Variants in USP4 observed in about 807,000 individuals in gnomAD.
USP4 encodes the protein ubiquitin carboxyl-terminal hydrolase 4.
Under a neutral mutation model 118.2 loss-of-function variants are expected in USP4, and 72 were observed. The ratio of observed to expected loss-of-function variants is 0.61; its 90% CI spans 0.50 to 0.74. The LOEUF is 0.74. Ranked by LOEUF, USP4 falls within the 30% of genes least tolerant of loss-of-function variation. USP4 has a pLI of 0.00. For missense variants in USP4, 1,037 were observed against 1,185.7 expected, an observed-to-expected ratio of 0.87 and a Z score of 1.84; for synonymous variants, 415 against 440.4, an observed-to-expected ratio of 0.94 and a Z score of 0.72.
intron 6 of USP4, chr3:49,316,771 GGGACCTCCATGGTGCTCAGACTACAACCA>G: frequency 2.3e-6 from 1 of 428,274 alleles, no homozygotes; most frequent in African/African-American, 2.0e-5. Context: ...GCTGGCTGAG[GGGACCTCCATGGTGCTCAGACTACAACCA>G]GGACCTCCCT....
At chr3:49,297,760 T>G in intron 13 of USP4, 110 bp downstream of exon 13, 1 of 888,320 alleles carries the variant, frequency 1.1e-6, no homozygotes, top group Non-Finnish European at 1.8e-6. Flanking sequence ...TCAGGGCCAA[T>G]CCACATGAGC....
intron 14 of USP4, 89 bp from the exon 15 acceptor site, chr3:49,292,687 T>C (rs1244646011): frequency 1.2e-5 from 10 of 850,174 alleles, no homozygotes; most frequent in African/African-American, 8.6e-5. Context: ...AAGTAGTTCA[T>C]AATTTATATG....
intron 14 of USP4, chr3:49,293,644 C>T (rs1346472946): frequency 6.6e-6 from 1 of 151,640 alleles, no homozygotes; most frequent in Non-Finnish European, 1.5e-5. Context: ...GCATTCCAGC[C>T]TGGGCGAGAG....
chr3:49,277,277 G>A lies in USP4; in HGVS notation c.*1016C>T, dbSNP rs2046973316. The A allele has an allele frequency of 7.1e-6, 9 of 1,274,278 alleles. No individual in the cohort carries two copies. The highest frequency in any genetic ancestry group is 8.2e-6 in the Non-Finnish European group (8 of 976,234). 78.9% of individuals were successfully genotyped at this position (1,274,278 alleles called of 1,614,324 possible). A position where few individuals can be genotyped will look rare whatever the true frequency, so the allele number is the denominator to read the frequency against. On this transcript the variant is annotated 3_prime_UTR_variant, in exon 22 of 22. Coordinates refer to ENST00000265560, the MANE Select transcript of USP4 (RefSeq NM_003363.4). ...CCCCCACGGATTAGGTTGAAGGTCAGACAAAAAATCCCGGACCCATACGTC... is the reference window on the plus strand; with the variant it reads ...CCCCCACGGATTAGGTTGAAGGTCAAACAAAAAATCCCGGACCCATACGTC...
In USP4 at chr3:49,296,574, G is replaced by A. The variant is rs372401438; in HGVS notation, c.1691+1296C>T. 2.5e-4 allele frequency among the ~76,000 whole-genome samples: 38 copies of A among 152,238 alleles called. No individual in the cohort carries two copies. The East Asian group carries it at 4.8e-3, about 19-fold the overall frequency. On this transcript the variant is annotated intron_variant, in intron 13 of 21. Transcript: ENST00000265560. ...TGAGGCAGAAAAATGGCATGAACCC[G>A]GGAGGCAGAGCTTGCAGTGAGCCGA...
In USP4 at chr3:49,278,910, G is replaced by A; in HGVS notation, c.2645-8C>T. 1 of 1,597,500 alleles carries A rather than the reference G, an allele frequency of 6.3e-7. No homozygotes were observed. Among genetic ancestry groups the A allele is most frequent in the African/African-American group, 1.3e-5 (1 of 74,422 alleles). On this transcript the variant is annotated splice_region_variant and splice_polypyrimidine_tract_variant and intron_variant, in intron 20 of 21. Coordinates refer to ENST00000265560, the MANE Select transcript of USP4 (RefSeq NM_003363.4). ...TCTTCGCATATGCAGTGTCTGCCAA[G>A]TCAACAAAGAAAATACTCTAGCGGT...
intron 10 of USP4, 110 bp downstream of exon 10, chr3:49,302,274 G>T: frequency 7.8e-7 from 1 of 1,275,856 alleles, no homozygotes; most frequent in Non-Finnish European, 1.1e-6. Context: ...ACAGTGAGAA[G>T]CAACCAGGGC....
At chr3:49,324,157 C>T (rs1348596977) in intron 6 of USP4, among the ~76,000 whole-genome samples, 3 of 152,210 alleles carry the variant, frequency 2.0e-5, no homozygotes, top group African/African-American at 7.2e-5. Context: ...TGCCACCATG[C>T]CTAGCTAATT....
At chr3:49,301,940 A>T (rs537170669) in intron 10 of USP4, among the ~76,000 whole-genome samples, 2 of 152,254 alleles carry the variant, frequency 1.3e-5, no homozygotes, top group East Asian at 1.9e-4. Context: ...GAGCAATAAC[A>T]ATCTTAGGGG....
intron 9 of USP4, among the ~76,000 whole-genome samples, chr3:49,303,521 C>A (rs2047281785): frequency 6.7e-6 from 1 of 149,508 alleles, no homozygotes; most frequent in East Asian, 2.0e-4. Flanking sequence ...CCACATATGG[C>A]AATTGAAATT....
chr3:49,321,350 G>A (rs939633271), intron 6 of USP4, among the ~76,000 whole-genome samples: 1 of 152,038 alleles, frequency 6.6e-6, no homozygotes, highest in African/African-American at 2.4e-5. Flanking sequence ...CTCAAGAATA[G>A]TAGTTCTGGA....
At chr3:49,306,495 G>A (rs527547896) in intron 8 of USP4, among the ~76,000 whole-genome samples, 81 of 152,068 alleles carry the variant, frequency 5.3e-4, no homozygotes, top group African/African-American at 1.8e-3. Flanking sequence ...GAGCCACCGC[G>A]CCCAGCCTTT....
intron 13 of USP4, among the ~76,000 whole-genome samples, chr3:49,294,802 C>A (rs944192127): frequency 6.6e-6 from 1 of 152,166 alleles, no homozygotes; most frequent in African/African-American, 2.4e-5. Flanking sequence ...ACAATGTGAA[C>A]CTATACAACC....
Position 49,294,616 on chromosome 3 carries a change from G to A in USP4, c.1692-18C>T. 1 of 1,608,646 alleles carries A rather than the reference G, an allele frequency of 6.2e-7. No homozygotes were observed. Among genetic ancestry groups the A allele is most frequent in the Non-Finnish European group, 8.5e-7 (1 of 1,176,700 alleles). On this transcript the variant is annotated intron_variant, in intron 13 of 21. Coordinates refer to ENST00000265560, the MANE Select transcript of USP4 (RefSeq NM_003363.4). Reference sequence around the variant, plus strand: ...CCTCGTACCTGCGTCAATCACACAAGAGGGCACTTTTAGCAGTAGGTCCTT... The same window carrying A: ...CCTCGTACCTGCGTCAATCACACAAAAGGGCACTTTTAGCAGTAGGTCCTT...
chr3:49,338,543 T>C (rs1366985307), intron 1 of USP4, among the ~76,000 whole-genome samples: 3 of 150,994 alleles, frequency 2.0e-5, no homozygotes, highest in Admixed American at 1.3e-4. Context: ...ATGCCTGTAA[T>C]CCTAGCTACT....
chr3:49,330,420 C>T (rs910954369), intron 2 of USP4, among the ~76,000 whole-genome samples: 5 of 151,580 alleles, frequency 3.3e-5, no homozygotes, highest in South Asian at 2.1e-4. Context: ...CTCCACCTCT[C>T]GGGTTCATGC....
rs1203419811 is a variant in USP4 at position 49,300,514 on chromosome 3, T to G, written c.1465A>C (p.Met489Leu). 1 of 1,614,170 alleles carries G rather than the reference T, an allele frequency of 6.2e-7. No individual in the cohort carries two copies. The highest frequency in any genetic ancestry group is 8.5e-7 in the Non-Finnish European group (1 of 1,180,024). Residue 489 changes from methionine to leucine, a missense_variant, in exon 11 of 22, where the codon ATG becomes CTG. By Grantham distance (15) the Met-to-Leu change is conservative (BLOSUM62 2). This residue lies in a region of USP4 where 522 missense variants were observed against 592.6 expected (regional missense o/e 0.88). Coordinates refer to ENST00000265560, the MANE Select transcript of USP4 (RefSeq NM_003363.4). ...TCAGCAGGAACCAGGAAAACCTCCA[T>G]AACTCGATCTTTCTTCAAGGGCAGT... ...LPLPLKKDRV[M>L]EVFLVPADPH...
In USP4 at chr3:49,311,584, A is replaced by G. The variant is rs541487574; in HGVS notation, c.766T>C (p.Ser256Pro). 6.2e-7 allele frequency: 1 copy of G among 1,614,076 alleles called. No individual in the cohort carries two copies. The highest frequency in any genetic ancestry group is 2.2e-5 in the East Asian group (1 of 44,882). The stretch of plus-strand genomic sequence containing the variant: ...TCACCATTTGCAATGAGAGAGGCAG[A>G]CACTGAGGAATAGGGACTTGCTGAT... Reference protein sequence around the residue: ...KSSASPYSSVSASLIANGDST... With the variant: ...KSSASPYSSVPASLIANGDST... Residue 256 changes from serine to proline, a missense_variant, in exon 7 of 22, where the codon TCT becomes CCT. Physicochemically the swap from Ser to Pro is moderately conservative, Grantham distance 74. This residue lies in a region of USP4 where 487 missense variants were observed against 534.1 expected (regional missense o/e 0.91). Transcript: ENST00000265560.
At chr3:49,325,148 C>G (rs1477929300) in intron 4 of USP4, 109 bp from the exon 5 acceptor site, 2 of 1,377,744 alleles carry the variant, frequency 1.5e-6, no homozygotes, top group African/African-American at 2.9e-5. Flanking sequence ...CACAGGTGCT[C>G]TGGATCAACC....
Sources: allele counts gnomAD v4.1 joint callset (sites outside exome capture counted in the v4.1 genomes callset), GRCh38; gene constraint gnomAD v4.1.1; regional missense constraint gnomAD v4.1.1; transcripts MANE v1.5; gene names NCBI Gene and HGNC (gene_info 2026-07-23, HGNC 2026-07-21).